ZNF462: variants seen among roughly 807,000 people sequenced by gnomAD.
The protein encoded by ZNF462 is zinc finger PBX1-interacting protein.
ZNF462 carries 10 observed loss-of-function variants against 201.9 expected under a neutral mutation model. That is an observed-to-expected ratio of 0.05 (90% confidence interval 0.03 to 0.08). The LOEUF (loss-of-function observed/expected upper bound fraction) is 0.08. Among genes scored for constraint, ZNF462 ranks in the 10% least tolerant of loss-of-function variants. ZNF462 has a pLI of 1.00. For synonymous variants in ZNF462, 1,227 were observed against 1,193.3 expected (o/e 1.03, Z -0.58); for missense variants, 2,523 against 3,168.3 (o/e 0.80, Z 4.89).
chr9:106,899,941 A>G (rs922679796), intron 1 of ZNF462, among the ~76,000 whole-genome samples: 1 of 152,150 alleles, frequency 6.6e-6, no homozygotes, highest in Non-Finnish European at 1.5e-5. Flanking sequence ...TGGTGCACCC[A>G]TCACCCACAT....
chr9:107,003,448 C>T lies in ZNF462; in HGVS notation c.7189+22C>T, dbSNP rs754701100. On this transcript the variant is annotated intron_variant, in intron 11 of 12. Coordinates refer to ENST00000277225, the MANE Select transcript of ZNF462 (RefSeq NM_021224.6). This position sits in a 1 kb window ranked among gnomAD's most constrained non-coding sequence, Gnocchi z 4.4. ...AGAGGTTAGTCTCATCCTGCCCTCCCAATCCCAGATGGCATCTGGCATGTC... is the reference window on the plus strand; with the variant it reads ...AGAGGTTAGTCTCATCCTGCCCTCCTAATCCCAGATGGCATCTGGCATGTC... The T allele has an allele frequency of 2.5e-5, 41 of 1,611,532 alleles. No individual in the cohort carries two copies. The highest frequency in any genetic ancestry group is 3.3e-5 in the Non-Finnish European group (39 of 1,179,008).
chr9:106,897,937 C>A (rs1055528573), intron 1 of ZNF462, among the ~76,000 whole-genome samples: 1 of 152,316 alleles, frequency 6.6e-6, no homozygotes, highest in Non-Finnish European at 1.5e-5. Context: ...AGCTTCTCCA[C>A]CAGCCCTCTC....
At chr9:106,939,188 G>A in intron 7 of ZNF462, 81 bp downstream of exon 7, 1 of 1,346,100 alleles carries the variant, frequency 7.4e-7, no homozygotes, top group Non-Finnish European at 1.0e-6. Flanking sequence ...TTTTTTTAGA[G>A]GAAAATCTTA....
chr9:106,991,522 G>T (rs1392465281), intron 10 of ZNF462, among the ~76,000 whole-genome samples: 3 of 151,766 alleles, frequency 2.0e-5, no homozygotes, highest in South Asian at 2.1e-4. Flanking sequence ...GCTTTTTGGG[G>T]GTAGAAAGTG....
chr9:106,944,132 G>A (rs1173599320), intron 7 of ZNF462, among the ~76,000 whole-genome samples: 5 of 152,130 alleles, frequency 3.3e-5, no homozygotes, highest in African/African-American at 7.2e-5. Flanking sequence ...TTTCTAGTAT[G>A]GTCAGCTGTT....
rs1482464962 is a variant in ZNF462 at position 106,929,324 on chromosome 9, G to A, written c.5412G>A (p.Gly1804=). 6.2e-7 allele frequency: 1 copy of A among 1,614,118 alleles called. No individual in the cohort carries two copies. The highest frequency in any genetic ancestry group is 1.7e-5 in the Admixed American group (1 of 60,026). Residue 1804 remains glycine, a synonymous_variant, in exon 3 of 13, where the codon GGG becomes GGA. Coordinates refer to ENST00000277225, the MANE Select transcript of ZNF462 (RefSeq NM_021224.6). The surrounding 1 kb of genome is among the most constrained non-coding windows in gnomAD (Gnocchi z 8.7). ...AGAAGCAGCACGCCAGCAAGTTGGG[G>A]GGCTACTTCACGGCCGTCTATGCAG... ...FPKKQHASKL[G]GYFTAVYADE...
chr9:106,945,832 T>C (rs957101329), intron 7 of ZNF462, among the ~76,000 whole-genome samples: 1 of 152,238 alleles, frequency 6.6e-6, no homozygotes, highest in Non-Finnish European at 1.5e-5. Flanking sequence ...CTTCTGTTAT[T>C]ACCTGGAAAT....
rs1827660972 is a variant in ZNF462 at position 106,984,266 on chromosome 9, T to G, written c.6913T>G (p.Cys2305Gly). ...GGGAGTAGTTTTCCGCTGTGATAAG[T>G]GTACCTTCACCTGCTCCAGTGATGA... is the stretch of plus-strand genomic sequence containing the variant. ...LQGVVFRCDK[C>G]TFTCSSDESL... Residue 2305 changes from cysteine (C) to glycine (G), a missense_variant, in exon 10 of 13, where the codon TGT (cysteine) becomes GGT (glycine). By Grantham distance (159) the Cys-to-Gly change is radical. This residue lies in a region of ZNF462 where 228 missense variants were observed against 361.2 expected (regional missense o/e 0.63). Transcript: ENST00000277225. This position sits in a 1 kb window ranked among gnomAD's most constrained non-coding sequence, Gnocchi z 6.4. 1 of 1,614,016 alleles carries G rather than the reference T, an allele frequency of 6.2e-7. No homozygotes were observed. Among genetic ancestry groups the G allele is most frequent in the African/African-American group, 1.3e-5 (1 of 74,914 alleles).
At chr9:106,937,400 G>C (rs1830676888) in intron 6 of ZNF462, among the ~76,000 whole-genome samples, 1 of 152,124 alleles carries the variant, frequency 6.6e-6, no homozygotes, top group South Asian at 2.1e-4. Flanking sequence ...TAGGGACAAA[G>C]AATGATCTTC....
chr9:106,955,164 G>C (rs996055553), intron 7 of ZNF462, among the ~76,000 whole-genome samples: 4 of 152,022 alleles, frequency 2.6e-5, no homozygotes, highest in Admixed American at 6.6e-5. Context: ...TGAAATATGA[G>C]ATCTGATTAT....
Position 106,921,421 on chromosome 9 carries a change from C to A in ZNF462, c.-30-1933C>A, listed in dbSNP as rs547453353. 9.2e-5 allele frequency among the ~76,000 whole-genome samples: 14 copies of A among 152,320 alleles called. No homozygotes were observed. The South Asian group carries it at 2.7e-3, about 29-fold the overall frequency. ...GAGCCCAGCCTGCTCTTCTAGCATT[C>A]ATTTCTGATTGTTAGCCTAGCAGAC... On this transcript the variant is annotated intron_variant, in intron 1 of 12. Transcript: ENST00000277225.
rs1828294426 is a variant in ZNF462 at position 106,885,861 on chromosome 9, A to G, written c.-31+22506A>G. Among the ~76,000 whole-genome samples, 2 of 152,188 alleles carry G rather than the reference A, an allele frequency of 1.3e-5. No individual in the cohort carries two copies. Among genetic ancestry groups the G allele is most frequent in the African/African-American group, 4.8e-5 (2 of 41,452 alleles). On this transcript the variant is annotated intron_variant, in intron 1 of 12. Transcript: ENST00000277225. The surrounding 1 kb of genome is among the most constrained non-coding windows in gnomAD (Gnocchi z 4.1). ...ATTCTTAAGAGTTTCCAGTTCCTCT[A>G]TCCCTATTCCCTGTCATCACATAAA...
At chr9:106,985,865 C>T (rs183854075) in intron 10 of ZNF462, among the ~76,000 whole-genome samples, 4 of 152,252 alleles carry the variant, frequency 2.6e-5, no homozygotes, top group Admixed American at 1.3e-4. Flanking sequence ...TTGGAATGCA[C>T]TTATTTTCCA....
chr9:106,879,004 C>G (rs920534139), intron 1 of ZNF462, among the ~76,000 whole-genome samples: 1 of 152,108 alleles, frequency 6.6e-6, no homozygotes, highest in African/African-American at 2.4e-5. Flanking sequence ...ATGGTTTGGT[C>G]CCAAGAGGCA....
chr9:106,924,527 T>A lies in ZNF462; in HGVS notation c.615T>A (p.Pro205=). ...CTGCTCCTGCTCCAATGCCAGACCC[T>A]GTGGTTCCGCCCGTATCACTGCAGG... is the stretch of plus-strand genomic sequence containing the variant. ...PPPAPAPMPD[P]VVPPVSLQDP... is the part of the protein sequence containing the mutation. The change falls in exon 3 of 13, where the codon CCT becomes CCA. Residue 205 remains proline, a synonymous_variant. Coordinates refer to ENST00000277225, the MANE Select transcript of ZNF462 (RefSeq NM_021224.6). The surrounding 1 kb of genome is among the most constrained non-coding windows in gnomAD (Gnocchi z 6.2). 1 of 1,614,118 alleles carries A rather than the reference T, an allele frequency of 6.2e-7. No individual in the cohort carries two copies. The highest frequency in any genetic ancestry group is 8.5e-7 in the Non-Finnish European group (1 of 1,180,026).
At chr9:106,971,030 A>G (rs992519791) in intron 7 of ZNF462, among the ~76,000 whole-genome samples, 1 of 152,162 alleles carries the variant, frequency 6.6e-6, no homozygotes, top group Non-Finnish European at 1.5e-5. Flanking sequence ...AATGGGATTT[A>G]TGAATAAATC....
rs1829551257 is a variant in ZNF462, at chr9:107,006,468, G to A, written c.7189+3042G>A. Among the ~76,000 whole-genome samples, 1 of 152,146 alleles carries A rather than the reference G, an allele frequency of 6.6e-6. No individual in the cohort carries two copies. Among genetic ancestry groups the A allele is most frequent in the Non-Finnish European group, 1.5e-5 (1 of 68,036 alleles). On this transcript the variant is annotated intron_variant, in intron 11 of 12. Transcript: ENST00000277225. This position sits in a 1 kb window ranked among gnomAD's most constrained non-coding sequence, Gnocchi z 4.3. Reference sequence around the variant, plus strand: ...TCTTACCCTGCACACCACTTTCCCAGTGCTTCGAGTAGTGTAATCTTCACT... The same window carrying A: ...TCTTACCCTGCACACCACTTTCCCAATGCTTCGAGTAGTGTAATCTTCACT...
Position 106,924,712 on chromosome 9 carries a change from G to C in ZNF462, c.800G>C (p.Arg267Pro). 1 of 1,614,008 alleles carries C rather than the reference G, an allele frequency of 6.2e-7. No homozygotes were observed. The highest frequency in any genetic ancestry group is 8.5e-7 in the Non-Finnish European group (1 of 1,179,990). Residue 267 changes from arginine to proline, a missense_variant, in exon 3 of 13, where the codon CGC (arginine) becomes CCC (proline). Coordinates refer to ENST00000277225, the MANE Select transcript of ZNF462 (RefSeq NM_021224.6). The surrounding 1 kb of genome is among the most constrained non-coding windows in gnomAD (Gnocchi z 6.2). ...TGTGACCACATGATGAAGAAACACC[G>C]CAGTATGGTCAAGATCCTTTCCAGT... is the stretch of plus-strand genomic sequence containing the variant. Reference protein sequence around the residue: ...RWCDHMMKKHRSMVKILSSLR... With the variant: ...RWCDHMMKKHPSMVKILSSLR...
chr9:107,010,899 C>G lies in ZNF462; in HGVS notation c.7390C>G (p.Pro2464Ala), dbSNP rs145884575. 6.2e-7 allele frequency: 1 copy of G among 1,613,552 alleles called. No individual in the cohort carries two copies. The highest frequency in any genetic ancestry group is 1.7e-5 in the Admixed American group (1 of 59,946). ...KEIMENSVKMPSIEEKEDDEA... is the reference protein window; with the variant it reads ...KEIMENSVKMASIEEKEDDEA... ...GATCATGGAGAACAGTGTTAAAATG[C>G]CCTCCATAGAGGAAAAGGAAGATGA... Residue 2464 changes from proline to alanine, a missense_variant, in exon 13 of 13, where the codon CCC becomes GCC. Pro to Ala is a conservative substitution (Grantham distance 27). Around this residue, in one of 15 missense-constraint regions of ZNF462, gnomAD observed 67 missense variants for 63.2 expected, o/e 1.06. Transcript: ENST00000277225. This position sits in a 1 kb window ranked among gnomAD's most constrained non-coding sequence, Gnocchi z 4.6.
Sources: gnomAD v4.1 joint callset for allele counts (sites outside exome capture counted in the v4.1 genomes callset) on GRCh38, gnomAD v4.1.1 for gene constraint, gnomAD v4.1.1 regional missense constraint, Gnocchi (gnomAD v3.1) non-coding constraint, MANE v1.5 for transcripts, NCBI Gene and HGNC (gene_info 2026-07-23, HGNC 2026-07-21) for gene names.